RUFY4: variants seen among roughly 807,000 people sequenced by gnomAD.
RUFY4 encodes RUN and FYVE domain-containing protein 4.
Under a neutral mutation model 69.0 loss-of-function variants are expected in RUFY4, and 73 were observed. The ratio of observed to expected loss-of-function variants is 1.06; its 90% CI spans 0.88 to 1.29. The LOEUF (loss-of-function observed/expected upper bound fraction) is 1.29. RUFY4 is among the 50% of genes most tolerant of loss of function. The pLI is 0.00. For missense variants in RUFY4, 770 were observed against 705.6 expected, an observed-to-expected ratio of 1.09 and a Z score of -1.03; for synonymous variants, 287 against 271.8, an observed-to-expected ratio of 1.06 and a Z score of -0.55.
At chr2:218,056,706 A>G (rs1196959334) in intron 2 of RUFY4, among the ~76,000 whole-genome samples, 1 of 152,216 alleles carries the variant, frequency 6.6e-6, no homozygotes, top group Non-Finnish European at 1.5e-5. Flanking sequence ...GGGCCTGACC[A>G]GGGATTACAT....
intron 2 of RUFY4, among the ~76,000 whole-genome samples, chr2:218,052,747 A>T (rs867529213): frequency 0.05 from 6,822 of 136,548 alleles, 399 homozygotes; most frequent in African/African-American, 0.18. Flanking sequence ...TTTTTTTTTA[A>T]AAAAAAAAGA....
At chr2:218,052,620 A>G (rs1688969609) in intron 2 of RUFY4, among the ~76,000 whole-genome samples, 1 of 152,124 alleles carries the variant, frequency 6.6e-6, no homozygotes, top group South Asian at 2.1e-4. Flanking sequence ...TTCTTGCCAG[A>G]CACAGTATTG....
intron 3 of RUFY4, chr2:218,061,158 G>T: frequency 2.3e-6 from 1 of 441,144 alleles, no homozygotes. Context: ...GCCAGGGTCA[G>T]CAGGTAGACA....
At chr2:218,065,919 A>G (rs1317698522), upstream of RUFY4, among the ~76,000 whole-genome samples, 1 of 151,740 alleles carries the variant, frequency 6.6e-6, no homozygotes, top group Non-Finnish European at 1.5e-5. Context: ...GCAGGAGATC[A>G]CCAGGGAGTG....
chr2:218,043,101 C>T (rs1688739220), intron 2 of RUFY4, among the ~76,000 whole-genome samples: 1 of 151,950 alleles, frequency 6.6e-6, no homozygotes, highest in Non-Finnish European at 1.5e-5. Flanking sequence ...TAGAACAGCT[C>T]GGAGGAGACC....
chr2:218,045,494 G>GA (rs916484445), intron 2 of RUFY4, among the ~76,000 whole-genome samples: 8 of 151,212 alleles, frequency 5.3e-5, no homozygotes, highest in Non-Finnish European at 4.4e-5. Flanking sequence ...TCATAAAAAA[G>GA]AAAAAAAATT....
At chr2:218,076,667 C>A in intron 8 of RUFY4, 134 bp downstream of exon 10, 1 of 1,403,034 alleles carries the variant, frequency 7.1e-7, no homozygotes, top group South Asian at 1.5e-5. Flanking sequence ...CCTTTGGGAT[C>A]TGAGGCCTGC....
At chr2:218,060,538 G>A (rs555006912) in intron 3 of RUFY4, 2 of 1,293,252 alleles carry the variant, frequency 1.5e-6, no homozygotes, top group East Asian at 4.6e-5. Flanking sequence ...GGCATCCAGG[G>A]CCTGGTTGAT....
At chr2:218,072,713 C>T in intron 3 of RUFY4, 66 bp from the exon 6 acceptor site, 2 of 1,351,972 alleles carry the variant, frequency 1.5e-6, no homozygotes, top group Non-Finnish European at 2.0e-6. Context: ...AGTCCCCTCT[C>T]TCTGTGTTAC....
At chr2:218,075,590 G>A (rs767042098) in exon 7 of RUFY4, 1 of 1,525,358 alleles carries the variant, frequency 6.6e-7, no homozygotes, top group South Asian at 1.3e-5. Flanking sequence ...AGGGGTCGGG[G>A]GGCTCTAGCA....
chr2:218,052,749 A>ATTTT (rs1559423641), intron 2 of RUFY4, among the ~76,000 whole-genome samples: 8 of 144,796 alleles, frequency 5.5e-5, no homozygotes, highest in African/African-American at 2.3e-4. Flanking sequence ...TTTTTTTAAA[A>ATTTT]AAAAAAGATA....
intron 2 of RUFY4, among the ~76,000 whole-genome samples, chr2:218,071,857 C>T (rs1689495614): frequency 6.6e-6 from 1 of 152,162 alleles, no homozygotes; most frequent in South Asian, 2.1e-4. Context: ...CACCCTGCTC[C>T]CCACACACAG....
chr2:218,063,913 A>C (rs1263082240), intron 3 of RUFY4, among the ~76,000 whole-genome samples: 1 of 152,130 alleles, frequency 6.6e-6, no homozygotes, highest in African/African-American at 2.4e-5. Flanking sequence ...TCAACCAAAC[A>C]AAAGTCCTTT....
At chr2:218,074,062 G>A in intron 6 of RUFY4, 177 bp downstream of exon 8, 1 of 665,566 alleles carries the variant, frequency 1.5e-6, no homozygotes, top group South Asian at 1.8e-5. Context: ...GAGGAGGAGA[G>A]GGCTCCTATT....
upstream of RUFY4, among the ~76,000 whole-genome samples, chr2:218,069,931 A>G (rs1689442839): frequency 6.6e-6 from 1 of 152,120 alleles, no homozygotes; most frequent in Admixed American, 6.5e-5. Flanking sequence ...TATTACAACC[A>G]GGCGCCCTGC....
At chr2:218,070,406 A>T, upstream of RUFY4, 1 of 628,232 alleles carries the variant, frequency 1.6e-6, no homozygotes, top group South Asian at 1.8e-5. Flanking sequence ...CCACACCATC[A>T]TCTTCACACA....
chr2:218,077,650 C>A (rs1330894217), intron 8 of RUFY4, among the ~76,000 whole-genome samples: 1 of 152,344 alleles, frequency 6.6e-6, no homozygotes, highest in African/African-American at 2.4e-5. Flanking sequence ...AACACCTGCC[C>A]CAGGTCCAAC....
At chr2:218,062,214 A>G (rs748464547) in intron 3 of RUFY4, among the ~76,000 whole-genome samples, 80 of 152,204 alleles carry the variant, frequency 5.3e-4, no homozygotes, top group Non-Finnish European at 9.4e-4. Context: ...CCTGGCTAAC[A>G]TGGTGAAACC....
intron 2 of RUFY4, among the ~76,000 whole-genome samples, chr2:218,057,678 TATA>T (rs1434111643): frequency 2.0e-5 from 3 of 152,348 alleles, no homozygotes; most frequent in East Asian, 1.9e-4. Context: ...TGTGACTATT[TATA>T]ATCAATCTGT....
Sources: gnomAD v4.1 joint callset for allele counts (sites outside exome capture counted in the v4.1 genomes callset) on GRCh38, gnomAD v4.1.1 for gene constraint, MANE v1.5 for transcripts, NCBI Gene and HGNC (gene_info 2026-07-23, HGNC 2026-07-21) for gene names.